Variants in PCMTD1 observed in about 807,000 individuals in gnomAD.
PCMTD1 encodes the protein protein-L-isoaspartate O-methyltransferase domain-containing protein 1.
PCMTD1 carries 12 observed loss-of-function variants against 37.6 expected under a neutral mutation model. The ratio of observed to expected loss-of-function variants is 0.32; its 90% CI spans 0.20 to 0.52. PCMTD1 has a LOEUF of 0.52. PCMTD1 is among the 20% of genes least tolerant of loss of function. The pLI is 0.97. For synonymous variants in PCMTD1, 117 were observed against 135.8 expected (o/e 0.86, Z 0.96); for missense variants, 235 against 421.3 (o/e 0.56, Z 3.87).
chr8:51,877,362 G>T (rs2129290940), intron 1 of PCMTD1, among the ~76,000 whole-genome samples: 1 of 152,256 alleles, frequency 6.6e-6, no homozygotes, highest in Admixed American at 6.5e-5. Context: ...AACAAAGGAA[G>T]GAGGAAGTAA....
chr8:51,872,211 C>G (rs747352744), intron 1 of PCMTD1, among the ~76,000 whole-genome samples: 2 of 142,356 alleles, frequency 1.4e-5, no homozygotes, highest in African/African-American at 5.9e-5. Flanking sequence ...CTTTCCTCCT[C>G]TCCCTTTTAC....
In PCMTD1 at chr8:51,861,051, C is replaced by G; in HGVS notation, c.101G>C (p.Arg34Thr). The G allele has an allele frequency of 6.2e-7, 1 of 1,614,112 alleles. No homozygotes were observed. The highest frequency in any genetic ancestry group is 2.2e-5 in the East Asian group (1 of 44,868). Residue 34 changes from arginine (R) to threonine (T), a missense_variant, in exon 2 of 6, where the codon AGA (arginine) becomes ACA (threonine). Arg to Thr is a moderately conservative substitution (Grantham distance 71, BLOSUM62 -1). Around this residue, in one of 3 missense-constraint regions of PCMTD1, gnomAD observed 183 missense variants for 349.3 expected, o/e 0.52. Coordinates refer to ENST00000522514, the MANE Select transcript of PCMTD1 (RefSeq NM_052937.4). ...ATAGTAATCTCCACGATCAATCGCT[C>G]TGAAGGCTTGCTCCACTCTTTCAGT... ...IRTERVEQAF[R>T]AIDRGDYYLE...
At chr8:51,882,567 C>T (rs1004869275) in intron 1 of PCMTD1, among the ~76,000 whole-genome samples, 2 of 152,132 alleles carry the variant, frequency 1.3e-5, no homozygotes, top group African/African-American at 4.8e-5. Flanking sequence ...ATATGCTAGT[C>T]ACTTGTTTAC....
At chr8:51,853,148 T>A (rs1269229157) in intron 2 of PCMTD1, among the ~76,000 whole-genome samples, 1 of 152,206 alleles carries the variant, frequency 6.6e-6, no homozygotes, top group Non-Finnish European at 1.5e-5. Context: ...AAGGACAAAG[T>A]ATTTATAAAC....
intron 1 of PCMTD1, among the ~76,000 whole-genome samples, chr8:51,893,320 G>A (rs1311353235): frequency 6.6e-6 from 1 of 152,146 alleles, no homozygotes; most frequent in Admixed American, 6.5e-5. Context: ...TGTAACTTCT[G>A]CATGATAACC....
rs893624153 is a variant in PCMTD1, at chr8:51,817,851, G to C, written c.*2500C>G. On this transcript the variant is annotated 3_prime_UTR_variant, in exon 6 of 6. Transcript: ENST00000522514. The stretch of plus-strand genomic sequence containing the variant: ...TCTTGGGATTGATCTGATGCTAGAA[G>C]CTATCTTAGGCCCTGTCTCTAACTC... The C allele has an allele frequency of 2.0e-5, 9 of 456,668 alleles. No individual in the cohort carries two copies. Among genetic ancestry groups the C allele is most frequent in the African/African-American group, 1.8e-4 (9 of 50,114 alleles). The allele number at this position is 456,668 out of a possible 1,614,324, so 28.3% of individuals were successfully genotyped here.
intron 2 of PCMTD1, among the ~76,000 whole-genome samples, chr8:51,859,969 G>A (rs914555618): frequency 4.6e-5 from 7 of 151,836 alleles, no homozygotes; most frequent in African/African-American, 9.7e-5. Flanking sequence ...ACACAGTAGC[G>A]GCCAGTGAAT....
At chr8:51,829,912 G>A (rs974910116) in intron 5 of PCMTD1, among the ~76,000 whole-genome samples, 5 of 152,108 alleles carry the variant, frequency 3.3e-5, no homozygotes, top group Non-Finnish European at 7.3e-5. Flanking sequence ...TATGCAATAA[G>A]TTCATTTAAA....
rs528910565 is a variant in PCMTD1, at chr8:51,868,717, AAG to A, written c.-95-7473_-95-7472del. 9.0e-4 allele frequency among the ~76,000 whole-genome samples: 137 copies of A among 152,286 alleles called. 1 individual carries two copies. Among genetic ancestry groups the A allele is most frequent in the South Asian group, 3.1e-3 (15 of 4,824 alleles). On this transcript the variant is annotated intron_variant, in intron 1 of 5. Transcript: ENST00000522514. ...ATAAATAATAACTTAAACCACACCAAAGAGTTTCACAGATACAGCTCTTACCA... is the reference window on the plus strand; with the variant it reads ...ATAAATAATAACTTAAACCACACCAAAGTTTCACAGATACAGCTCTTACCA...
Position 51,833,529 on chromosome 8 carries a change from T to C in PCMTD1, c.571A>G (p.Ile191Val), listed in dbSNP as rs752264991. The stretch of plus-strand genomic sequence containing the variant: ...AGAGTGGAAGTTACCTGATCCTCTA[T>C]AGGCATGACTAATATGCCTCCAACT... ...LKVGGILVMP[I>V]EDQLTQIMRT... Residue 191 changes from isoleucine (I) to valine (V), a missense_variant, in exon 4 of 6, where the codon ATA becomes GTA. Ile to Val is a conservative substitution (Grantham distance 29). This residue lies in a region of PCMTD1 where 183 missense variants were observed against 349.3 expected (regional missense o/e 0.52). Transcript: ENST00000522514. 9.9e-6 allele frequency: 16 copies of C among 1,610,524 alleles called. No homozygotes were observed. The highest frequency in any genetic ancestry group is 8.9e-5 in the East Asian group (4 of 44,742).
intron 3 of PCMTD1, chr8:51,839,614 C>T (rs970375789): frequency 1.2e-5 from 12 of 985,224 alleles, no homozygotes; most frequent in Admixed American, 1.2e-4. Context: ...CCCTCTTAGA[C>T]GGATAGTCTA....
chr8:51,891,017 T>C (rs1031648921), intron 1 of PCMTD1, among the ~76,000 whole-genome samples: 1 of 152,194 alleles, frequency 6.6e-6, no homozygotes, highest in African/African-American at 2.4e-5. Flanking sequence ...CGTTAACCTG[T>C]TTCTCCTTTT....
chr8:51,891,687 CATATATATGTATATATATAT>C (rs1320763123), intron 1 of PCMTD1, among the ~76,000 whole-genome samples: 1 of 89,840 alleles, frequency 1.1e-5, no homozygotes, highest in East Asian at 4.1e-4. Context: ...TATATATATA[CATATATATGTATATATATAT>C]ATATAGCTTC....
At chr8:51,890,211 T>C (rs924476543) in intron 1 of PCMTD1, among the ~76,000 whole-genome samples, 1 of 152,202 alleles carries the variant, frequency 6.6e-6, no homozygotes, top group African/African-American at 2.4e-5. Flanking sequence ...AGGTTCAAAT[T>C]ACTCTATTTA....
At chr8:51,894,219 A>C (rs1259315636) in intron 1 of PCMTD1, among the ~76,000 whole-genome samples, 1 of 152,202 alleles carries the variant, frequency 6.6e-6, no homozygotes, top group Admixed American at 6.5e-5. Flanking sequence ...GAAATCAAAA[A>C]AGTAAAGTAA....
intron 1 of PCMTD1, among the ~76,000 whole-genome samples, chr8:51,862,103 T>A (rs886477429): frequency 1.7e-4 from 26 of 152,204 alleles, no homozygotes; most frequent in Non-Finnish European, 2.4e-4. Context: ...ATTTTAAAAA[T>A]TAGTTGATTT....
Position 51,859,572 on chromosome 8 carries a change from T to C in PCMTD1, c.307+1273A>G, listed in dbSNP as rs140648147. Among the ~76,000 whole-genome samples the C allele has an allele frequency of 3.2e-4, 49 of 152,040 alleles. No individual in the cohort carries two copies. In the East Asian group the frequency reaches 6.6e-3, roughly 20 times the overall value. ...ATGGGAGGTCCCATGACTAATAGAG[T>C]AAGGAATTAGCTAGTGTGTAGGGAG... On this transcript the variant is annotated intron_variant, in intron 2 of 5. Transcript: ENST00000522514.
chr8:51,855,189 AC>A (rs1286332446), intron 2 of PCMTD1, among the ~76,000 whole-genome samples: 4 of 146,590 alleles, frequency 2.7e-5, no homozygotes, highest in Non-Finnish European at 4.5e-5. Context: ...AAAAAAAAAA[AC>A]AAACAAAAAA....
At chr8:51,843,404 G>A (rs1310120857) in intron 3 of PCMTD1, among the ~76,000 whole-genome samples, 1 of 151,922 alleles carries the variant, frequency 6.6e-6, no homozygotes, top group African/African-American at 2.4e-5. Flanking sequence ...AAAATAAGCT[G>A]TAACAAACAC....
Sources: gnomAD v4.1 joint callset for allele counts (sites outside exome capture counted in the v4.1 genomes callset) on GRCh38, gnomAD v4.1.1 for gene constraint, gnomAD v4.1.1 regional missense constraint, MANE v1.5 for transcripts, NCBI Gene and HGNC (gene_info 2026-07-23, HGNC 2026-07-21) for gene names.